BZW2: variants seen among roughly 807,000 people sequenced by gnomAD.
The protein encoded by BZW2 is eIF5-mimic protein 1.
A neutral mutation model predicts 53.2 loss-of-function variants in BZW2; 23 were observed. The observed-to-expected ratio is 0.43, with a 90% CI of 0.31 to 0.61. The LOEUF (loss-of-function observed/expected upper bound fraction) is 0.61, where lower values mean the gene tolerates loss of function less well. BZW2 is among the 20% of genes least tolerant of loss of function. BZW2 has a pLI of 0.09. For missense variants in BZW2, 409 were observed against 503.1 expected (o/e 0.81, Z 1.79); for synonymous variants, 227 against 186.4 (o/e 1.22, Z -1.77).
intron 3 of BZW2, among the ~76,000 whole-genome samples, chr7:16,676,044 G>T (rs921707136): frequency 2.6e-5 from 4 of 152,152 alleles, no homozygotes; most frequent in African/African-American, 9.7e-5. Flanking sequence ...TCGAGCCTCT[G>T]CACCCCAACC....
intron 1 of BZW2, among the ~76,000 whole-genome samples, chr7:16,659,851 TA>T (rs1382127808): frequency 2.0e-5 from 3 of 150,072 alleles, no homozygotes; most frequent in East Asian, 2.1e-4. Context: ...TTTATTTTTT[TA>T]TTTTTTTTTT....
chr7:16,646,192 GTC>G lies in BZW2; in HGVS notation c.-102_-101del. On this transcript the variant is annotated 5_prime_UTR_variant, in exon 1 of 12. Transcript: ENST00000258761. Reference sequence around the variant, plus strand: ...TGTGTCTGTCCTTCACTCCTCCATTGTCTGCCGCCACTGCTGCTGCTGCTGCT... The same window carrying G: ...TGTGTCTGTCCTTCACTCCTCCATTGTGCCGCCACTGCTGCTGCTGCTGCT... 3.0e-6 allele frequency: 1 copy of G among 336,504 alleles called. No homozygotes were observed. The highest frequency in any genetic ancestry group is 6.0e-6 in the Non-Finnish European group (1 of 166,184). 20.8% of individuals were successfully genotyped at this position (336,504 alleles called of 1,614,324 possible).
intron 1 of BZW2, among the ~76,000 whole-genome samples, chr7:16,657,500 C>T (rs1171663668): frequency 1.3e-5 from 2 of 152,150 alleles, no homozygotes; most frequent in Non-Finnish European, 1.5e-5. Context: ...TGGTGTTGAG[C>T]TTCTTTTTCT....
rs78405704 is a variant in BZW2, at chr7:16,648,685, C to G, written c.-8+2397C>G. On this transcript the variant is annotated intron_variant, in intron 1 of 11. Coordinates refer to ENST00000258761, the MANE Select transcript of BZW2 (RefSeq NM_014038.3). Reference sequence around the variant, plus strand: ...CCATCCATGGTCTCAGCAGGCATTTCCAGTCATCTGGGCCCTCCCACACAC... The same window carrying G: ...CCATCCATGGTCTCAGCAGGCATTTGCAGTCATCTGGGCCCTCCCACACAC... Among the ~76,000 whole-genome samples, 1,346 of 152,268 alleles carry G rather than the reference C, an allele frequency of 8.8e-3. 17 individuals carry two copies. Among genetic ancestry groups the G allele is most frequent in the African/African-American group, 0.031 (1,277 of 41,560 alleles).
chr7:16,683,867 C>T (rs1380653705), intron 5 of BZW2, among the ~76,000 whole-genome samples: 3 of 152,178 alleles, frequency 2.0e-5, no homozygotes, highest in Non-Finnish European at 1.5e-5. Context: ...CCGCTCCTCC[C>T]CACCTAACTG....
chr7:16,651,897 C>T (rs934286847), intron 1 of BZW2, among the ~76,000 whole-genome samples: 1 of 152,162 alleles, frequency 6.6e-6, no homozygotes, highest in East Asian at 1.9e-4. Flanking sequence ...GCTACTCCAT[C>T]TTATTCCAAA....
rs751545385 is a variant in BZW2 at position 16,706,119 on chromosome 7, C to T, written c.*31C>T. The stretch of plus-strand genomic sequence containing the variant: ...TCAACAAGCACAATACCTAGGTTAC[C>T]ACACACCACTTTTTGATTGGGAATG... On this transcript the variant is annotated 3_prime_UTR_variant, in exon 12 of 12. Transcript: ENST00000258761. 1.9e-6 allele frequency: 3 copies of T among 1,606,304 alleles called. No homozygotes were observed. Among genetic ancestry groups the T allele is most frequent in the Non-Finnish European group, 2.6e-6 (3 of 1,175,434 alleles).
chr7:16,673,511 A>G (rs1782673032), intron 2 of BZW2, among the ~76,000 whole-genome samples: 1 of 152,182 alleles, frequency 6.6e-6, no homozygotes, highest in Admixed American at 6.5e-5. Context: ...ATAAAACAGT[A>G]CTATCCTTCT....
chr7:16,646,405 G>A (rs1184414798), intron 1 of BZW2, 117 bp downstream of exon 1: 1 of 162,612 alleles, frequency 6.1e-6, no homozygotes, highest in Non-Finnish European at 1.4e-5. Context: ...TGTGCCTCCT[G>A]GGGCGGCTTC....
intron 4 of BZW2, among the ~76,000 whole-genome samples, chr7:16,681,773 A>G (rs895002672): frequency 2.0e-4 from 30 of 152,322 alleles, no homozygotes; most frequent in Non-Finnish European, 3.1e-4. Context: ...CGGAGGTTGC[A>G]GTGAGCTGAG....
At chr7:16,703,976 G>A (rs1362990107) in intron 10 of BZW2, among the ~76,000 whole-genome samples, 1 of 152,128 alleles carries the variant, frequency 6.6e-6, no homozygotes, top group Admixed American at 6.6e-5. Context: ...TAGTGATGGA[G>A]AAAGTGTAGA....
chr7:16,674,522 T>C lies in BZW2; in HGVS notation c.169T>C (p.Ser57Pro). ...AGCCAAATTTCTGGACTCTACAGGC[T>C]CAAGATTAGATTATCGTCGCTATGC... The part of the protein sequence containing the change: ...AVAKFLDSTG[S>P]RLDYRRYADT... The change falls in exon 3 of 12, where the codon TCA becomes CCA. Residue 57 changes from serine to proline, a missense_variant. Ser to Pro is a moderately conservative substitution (Grantham distance 74). Transcript: ENST00000258761. 6.2e-7 allele frequency: 1 copy of C among 1,612,780 alleles called. No homozygotes were observed. Among genetic ancestry groups the C allele is most frequent in the Non-Finnish European group, 8.5e-7 (1 of 1,179,178 alleles).
At position 16,692,987 on chromosome 7, in the gene BZW2, G is replaced by T. The variant is rs571572749; in HGVS notation, c.652-1847G>T. Among the ~76,000 whole-genome samples, 18 of 152,328 alleles carry T rather than the reference G, an allele frequency of 1.2e-4. No individual in the cohort carries two copies. In the South Asian group the frequency reaches 3.1e-3, roughly 26 times the overall value. On this transcript the variant is annotated intron_variant, in intron 7 of 11. Transcript: ENST00000258761. ...CATGGGATATTGGGGACCGCAAGGG[G>T]AGAGCAGGTGAGAGCAAAAGTGTAG...
intron 1 of BZW2, among the ~76,000 whole-genome samples, chr7:16,650,970 A>G (rs991626181): frequency 6.6e-6 from 1 of 152,226 alleles, no homozygotes; most frequent in Non-Finnish European, 1.5e-5. Flanking sequence ...TAATGTTCTC[A>G]TTATTCTTTC....
At chr7:16,657,782 C>T (rs901393314) in intron 1 of BZW2, among the ~76,000 whole-genome samples, 3 of 151,846 alleles carry the variant, frequency 2.0e-5, no homozygotes, top group Non-Finnish European at 4.4e-5. Context: ...GATCTGGGTG[C>T]AAAATTTTCA....
Position 16,646,189 on chromosome 7 carries a change from A to G in BZW2, c.-107A>G, listed in dbSNP as rs1583691883. 2 of 331,618 alleles carry G rather than the reference A, an allele frequency of 6.0e-6. No homozygotes were observed. The highest frequency in any genetic ancestry group is 4.5e-5 in the South Asian group (2 of 44,646). 20.5% of individuals were successfully genotyped at this position (331,618 alleles called of 1,614,324 possible). ...CAATGTGTCTGTCCTTCACTCCTCC[A>G]TTGTCTGCCGCCACTGCTGCTGCTG... On this transcript the variant is annotated 5_prime_UTR_variant, in exon 1 of 12. Coordinates refer to ENST00000258761, the MANE Select transcript of BZW2 (RefSeq NM_014038.3).
At chr7:16,704,256 A>G (rs776623432) in intron 10 of BZW2, among the ~76,000 whole-genome samples, 1 of 152,192 alleles carries the variant, frequency 6.6e-6, no homozygotes, top group Non-Finnish European at 1.5e-5. Context: ...TCTATTTCCT[A>G]CCAGCAAATT....
chr7:16,653,733 G>A (rs1007983221), intron 1 of BZW2, among the ~76,000 whole-genome samples: 3 of 152,046 alleles, frequency 2.0e-5, no homozygotes, highest in African/African-American at 4.8e-5. Flanking sequence ...TGAAAATCTC[G>A]AATGCATAGG....
chr7:16,705,921 CTATTTTACCTTA>C lies in BZW2; in HGVS notation c.1232-136_1232-125del. 3 of 925,576 alleles carry C rather than the reference CTATTTTACCTTA, an allele frequency of 3.2e-6. No individual in the cohort carries two copies. The South Asian group carries it at 4.9e-5, about 15-fold the overall frequency. 57.3% of individuals were successfully genotyped at this position (925,576 alleles called of 1,614,324 possible). A position where few individuals can be genotyped will look rare whatever the true frequency, so the allele number is the denominator to read the frequency against. Reference sequence around the variant, plus strand: ...GAGTTTGCTATCTGCCCTCATGTGACTATTTTACCTTATAATGGGTGCCTAGGGTAAAAGTAT... The same window carrying C: ...GAGTTTGCTATCTGCCCTCATGTGACTAATGGGTGCCTAGGGTAAAAGTAT... On this transcript the variant is annotated intron_variant, in intron 11 of 11. Transcript: ENST00000258761.
Sources: gnomAD v4.1 joint callset for allele counts (sites outside exome capture counted in the v4.1 genomes callset) on GRCh38, gnomAD v4.1.1 for gene constraint, MANE v1.5 for transcripts, NCBI Gene and HGNC (gene_info 2026-07-23, HGNC 2026-07-21) for gene names.